The following ENOX1 variants were observed in gnomAD, a reference collection of about 807,000 sequenced individuals.
ENOX1 encodes the protein candidate growth-related and time keeping constitutive hydroquinone (NADH) oxidase.
ENOX1 carries 42 observed loss-of-function variants against 82.5 expected under a neutral mutation model. The ratio of observed to expected loss-of-function variants is 0.51; its 90% confidence interval spans 0.40 to 0.66. The LOEUF (loss-of-function observed/expected upper bound fraction) is 0.66. Among genes scored for constraint, ENOX1 ranks in the 30% least tolerant of loss-of-function variants. The probability of loss-of-function intolerance (pLI) is 0.00; values close to 1 mark genes in which losing one functional copy is unlikely to be tolerated. For synonymous variants in ENOX1, 271 were observed against 282.2 expected (o/e 0.96, Z 0.40); for missense variants, 608 against 811.6 (o/e 0.75, Z 3.05).
In ENOX1 at chr13:43,462,102, C is replaced by T. The variant is rs558358707; in HGVS notation, c.-75+21907G>A. On this transcript the variant is annotated intron_variant, in intron 3 of 16. Transcript: ENST00000690772. ...GCTGCATAGATCACTGCAAGAACCC[C>T]GAGGGACCCACTCTATCTGATCCAG... Among the ~76,000 whole-genome samples the T allele has an allele frequency of 9.9e-5, 15 of 152,208 alleles. No individual in the cohort carries two copies. The East Asian group carries it at 2.5e-3, about 25-fold the overall frequency.
chr13:43,543,369 T>C (rs925626949), intron 2 of ENOX1, among the ~76,000 whole-genome samples: 5 of 152,168 alleles, frequency 3.3e-5, no homozygotes, highest in Admixed American at 6.5e-5. Flanking sequence ...TATCGGAATA[T>C]ACTGTATGTA....
chr13:43,544,655 CTCATTA>C (rs2078896232), intron 2 of ENOX1: 1 of 152,106 alleles, frequency 6.6e-6, no homozygotes, highest in South Asian at 2.1e-4. Flanking sequence ...CCCAAATTAG[CTCATTA>C]ATTTTAGGCT....
At chr13:43,747,336 T>C (rs1950077907) in intron 1 of ENOX1, among the ~76,000 whole-genome samples, 1 of 152,292 alleles carries the variant, frequency 6.6e-6, no homozygotes, top group Admixed American at 6.5e-5. Context: ...AAAAGGGTAG[T>C]ATTCTAGTGA....
chr13:43,707,756 ACC>A (rs367837418), intron 1 of ENOX1, among the ~76,000 whole-genome samples: 728 of 93,178 alleles, frequency 7.8e-3, no homozygotes, highest in Middle Eastern at 0.027. Flanking sequence ...AAAAAAAAAA[ACC>A]AAGAACAAAG....
intron 1 of ENOX1, among the ~76,000 whole-genome samples, chr13:43,746,004 C>G (rs1024750616): frequency 6.6e-6 from 1 of 152,002 alleles, no homozygotes; most frequent in South Asian, 2.1e-4. Flanking sequence ...TTATTAGCAG[C>G]ATGAGAATGG....
At chr13:43,446,707 A>T (rs1474326959) in intron 3 of ENOX1, among the ~76,000 whole-genome samples, 1 of 152,174 alleles carries the variant, frequency 6.6e-6, no homozygotes, top group Non-Finnish European at 1.5e-5. Context: ...TTGCCAGTTT[A>T]ATCTGTCTCT....
intron 3 of ENOX1, among the ~76,000 whole-genome samples, chr13:43,475,707 G>A (rs1373390618): frequency 6.8e-6 from 1 of 147,732 alleles, no homozygotes; most frequent in Non-Finnish European, 1.5e-5. Flanking sequence ...TAGAAATAGT[G>A]GCTTTTACTC....
At chr13:43,317,906 G>A (rs2153523133) in intron 11 of ENOX1, among the ~76,000 whole-genome samples, 1 of 152,024 alleles carries the variant, frequency 6.6e-6, no homozygotes, top group South Asian at 2.1e-4. Context: ...TCGGGAGGCT[G>A]AGGCAGGAGA....
intron 1 of ENOX1, among the ~76,000 whole-genome samples, chr13:43,685,962 C>G (rs2086054777): frequency 6.6e-6 from 1 of 151,190 alleles, no homozygotes; most frequent in African/African-American, 2.4e-5. Flanking sequence ...GAAGTCTTGG[C>G]CAACATACAG....
chr13:43,279,661 G>A (rs2045263087), intron 12 of ENOX1, among the ~76,000 whole-genome samples: 1 of 152,216 alleles, frequency 6.6e-6, no homozygotes, highest in African/African-American at 2.4e-5. Flanking sequence ...CATGTGTTAA[G>A]TATGTGATGC....
chr13:43,753,255 G>A (rs1431000532), intron 1 of ENOX1, among the ~76,000 whole-genome samples: 13 of 152,058 alleles, frequency 8.5e-5, no homozygotes, highest in African/African-American at 2.7e-4. Flanking sequence ...AGATCAATTT[G>A]GGAAAAAATG....
intron 8 of ENOX1, among the ~76,000 whole-genome samples, chr13:43,352,227 A>G (rs2049853835): frequency 6.6e-6 from 1 of 152,206 alleles, no homozygotes; most frequent in Non-Finnish European, 1.5e-5. Flanking sequence ...ACATCAGGAA[A>G]TCCCAAAGGC....
At chr13:43,507,453 G>A (rs942420045) in intron 2 of ENOX1, among the ~76,000 whole-genome samples, 7 of 151,936 alleles carry the variant, frequency 4.6e-5, no homozygotes, top group South Asian at 2.1e-4. Flanking sequence ...GGCAGGAATC[G>A]AATTTCTTGT....
At chr13:43,413,530 A>G (rs2054262785) in intron 3 of ENOX1, among the ~76,000 whole-genome samples, 1 of 151,944 alleles carries the variant, frequency 6.6e-6, no homozygotes, top group Non-Finnish European at 1.5e-5. Flanking sequence ...TAGTCAGGAA[A>G]GGCAGAAGAG....
At chr13:43,751,049 C>A (rs1281974248) in intron 1 of ENOX1, among the ~76,000 whole-genome samples, 2 of 152,164 alleles carry the variant, frequency 1.3e-5, no homozygotes, top group East Asian at 1.9e-4. Context: ...ACCTTACCTA[C>A]CTCTCTAGCT....
chr13:43,616,091 T>TAGATAG (rs1670569179), intron 2 of ENOX1, among the ~76,000 whole-genome samples: 3 of 43,990 alleles, frequency 6.8e-5, no homozygotes, highest in Non-Finnish European at 1.4e-4. Flanking sequence ...ATTATATATA[T>TAGATAG]ATATCTATAT....
intron 1 of ENOX1, among the ~76,000 whole-genome samples, chr13:43,769,109 G>A (rs1469794841): frequency 2.0e-5 from 3 of 152,144 alleles, no homozygotes; most frequent in Non-Finnish European, 4.4e-5. Flanking sequence ...ATCACAGTGG[G>A]CAAGTTGCTT....
chr13:43,682,022 C>G (rs537604030), intron 1 of ENOX1, among the ~76,000 whole-genome samples: 1 of 152,208 alleles, frequency 6.6e-6, no homozygotes, highest in Admixed American at 6.6e-5. Context: ...TACTCCCAGC[C>G]TTCAACTCCA....
chr13:43,263,464 T>C (rs1418066012), intron 14 of ENOX1, among the ~76,000 whole-genome samples: 2 of 152,240 alleles, frequency 1.3e-5, no homozygotes, highest in Non-Finnish European at 2.9e-5. Context: ...AAAACTTTCC[T>C]GTAGAAGGGA....
Sources: gnomAD v4.1 joint callset for allele counts (sites outside exome capture counted in the v4.1 genomes callset) on GRCh38, gnomAD v4.1.1 for gene constraint, MANE v1.5 for transcripts, NCBI Gene and HGNC (gene_info 2026-07-23, HGNC 2026-07-21) for gene names.